VAX2: variants seen among roughly 807,000 people sequenced by gnomAD.
VAX2 encodes ventral anterior homeobox 2.
In VAX2, 8 loss-of-function variants were observed where a neutral mutation model predicts 12.5. The observed-to-expected ratio is 0.64, with a 90% CI of 0.37 to 1.15. VAX2 has a LOEUF of 1.15. VAX2 is among the 50% of genes most tolerant of loss of function. The probability of loss-of-function intolerance (pLI) is 0.01; values close to 1 mark genes in which losing one functional copy is unlikely to be tolerated. For synonymous variants in VAX2, 183 were observed against 187.6 expected (o/e 0.98, Z 0.20); for missense variants, 476 against 412.9 (o/e 1.15, Z -1.32).
chr2:70,908,644 CACATGTGTGAGTAT>C (rs1290317334), intron 1 of VAX2, among the ~76,000 whole-genome samples: 1 of 152,074 alleles, frequency 6.6e-6, no homozygotes, highest in African/African-American at 2.4e-5. Flanking sequence ...TAGTCATTTC[CACATGTGTGAGTAT>C]ATCTGTCAGA....
intron 1 of VAX2, among the ~76,000 whole-genome samples, chr2:70,915,668 G>T (rs574585484): frequency 1.8e-4 from 28 of 152,102 alleles, no homozygotes; most frequent in Non-Finnish European, 1.0e-4. Context: ...GAAATGTGTT[G>T]TTATTTATGG....
At chr2:70,911,409 G>A (rs1679181485) in intron 1 of VAX2, among the ~76,000 whole-genome samples, 1 of 152,094 alleles carries the variant, frequency 6.6e-6, no homozygotes, top group African/African-American at 2.4e-5. Flanking sequence ...GCTACAAACA[G>A]TGGGTCTGTA....
chr2:70,906,749 C>A (rs1259530697), intron 1 of VAX2, among the ~76,000 whole-genome samples: 1 of 152,116 alleles, frequency 6.6e-6, no homozygotes, highest in Non-Finnish European at 1.5e-5. Context: ...CCAGACTGAT[C>A]CTGGCTCAAG....
chr2:70,905,911 G>A (rs1553410537), intron 1 of VAX2, among the ~76,000 whole-genome samples: 3 of 152,306 alleles, frequency 2.0e-5, no homozygotes, highest in Non-Finnish European at 2.9e-5. Flanking sequence ...GTTGGCCTGG[G>A]TGCCATTTCC....
chr2:70,906,520 CTTTTTTT>C (rs869309305), intron 1 of VAX2, among the ~76,000 whole-genome samples: 30 of 60,596 alleles, frequency 5.0e-4, no homozygotes, highest in Admixed American at 1.5e-3. Context: ...TTTTCTTTTC[CTTTTTTT>C]TTTTTTTTTT....
intron 2 of VAX2, among the ~76,000 whole-genome samples, chr2:70,926,690 C>T (rs556940858): frequency 1.1e-4 from 16 of 152,230 alleles, no homozygotes; most frequent in African/African-American, 3.9e-4. Context: ...ATTTAATGCA[C>T]AGTGATGTCT....
intron 2 of VAX2, among the ~76,000 whole-genome samples, chr2:70,932,465 C>T (rs1238006040): frequency 6.6e-6 from 1 of 152,060 alleles, no homozygotes; most frequent in Non-Finnish European, 1.5e-5. Context: ...TCCCAAACTC[C>T]ATTCTCTGTC....
rs869309305 is a variant in VAX2, at chr2:70,906,520, C to CTTTTTTTTTT, written c.247+5669_247+5678dup. On this transcript the variant is annotated intron_variant, in intron 1 of 2. Coordinates refer to ENST00000234392, the MANE Select transcript of VAX2 (RefSeq NM_012476.3). ...CTTTCTTTTTTTTTCTTTTCTTTTC[C>CTTTTTTTTTT]TTTTTTTTTTTTTTTTTTTTTTTTT... 2.6e-3 allele frequency among the ~76,000 whole-genome samples: 157 copies of CTTTTTTTTTT among 60,594 alleles called. 29 individuals are homozygous for CTTTTTTTTTT. Among genetic ancestry groups the CTTTTTTTTTT allele is most frequent in the African/African-American group, 0.01 (126 of 12,246 alleles). 39.8% of individuals were successfully genotyped at this position (60,594 alleles called of 152,430 possible).
At chr2:70,920,051 C>CT (rs1435350536) in intron 1 of VAX2, among the ~76,000 whole-genome samples, 1 of 152,118 alleles carries the variant, frequency 6.6e-6, no homozygotes, top group East Asian at 1.9e-4. Context: ...TGGAGGGTTG[C>CT]TTGCTTTCTT....
chr2:70,919,688 C>CA (rs1679404384), intron 1 of VAX2, among the ~76,000 whole-genome samples: 1 of 151,724 alleles, frequency 6.6e-6, no homozygotes, highest in Non-Finnish European at 1.5e-5. Flanking sequence ...CCCGTCTCTA[C>CA]AAAAAATACA....
intron 2 of VAX2, among the ~76,000 whole-genome samples, chr2:70,929,020 C>A (rs1291035637): frequency 6.6e-6 from 1 of 152,200 alleles, no homozygotes; most frequent in East Asian, 1.9e-4. Flanking sequence ...GGTCAGGAAG[C>A]TTCCCAGCAG....
intron 1 of VAX2, among the ~76,000 whole-genome samples, chr2:70,912,870 C>T (rs1356018262): frequency 6.6e-6 from 1 of 151,998 alleles, no homozygotes; most frequent in Non-Finnish European, 1.5e-5. Flanking sequence ...CAGAATTCAC[C>T]CTCCCACATA....
intron 1 of VAX2, among the ~76,000 whole-genome samples, chr2:70,901,112 A>C (rs923511012): frequency 6.6e-6 from 1 of 152,254 alleles, no homozygotes; most frequent in Non-Finnish European, 1.5e-5. Context: ...CCAGTCCCCT[A>C]GTTCTAGGCC....
At chr2:70,930,524 G>C (rs201242436) in intron 2 of VAX2, among the ~76,000 whole-genome samples, 1 of 152,168 alleles carries the variant, frequency 6.6e-6, no homozygotes, top group Admixed American at 6.5e-5. Flanking sequence ...AGGATCAGAC[G>C]ACAGGGGGTG....
intron 2 of VAX2, among the ~76,000 whole-genome samples, chr2:70,931,489 G>A (rs372262540): frequency 5.2e-4 from 79 of 152,332 alleles, no homozygotes; most frequent in African/African-American, 1.8e-3. Context: ...CAAAGGCAGC[G>A]TGGCGGCCAG....
intron 1 of VAX2, among the ~76,000 whole-genome samples, chr2:70,909,852 C>T (rs2104763438): frequency 6.6e-6 from 1 of 152,208 alleles, no homozygotes; most frequent in East Asian, 1.9e-4. Context: ...ACAAACAATG[C>T]TGTAGTGAAC....
intron 1 of VAX2, among the ~76,000 whole-genome samples, chr2:70,914,276 T>C (rs1216084251): frequency 6.6e-6 from 1 of 152,120 alleles, no homozygotes; most frequent in African/African-American, 2.4e-5. Context: ...GGTGAAACCC[T>C]GTCTCTACTA....
intron 1 of VAX2, among the ~76,000 whole-genome samples, chr2:70,916,202 T>C (rs1558657327): frequency 6.6e-6 from 1 of 152,214 alleles, no homozygotes; most frequent in South Asian, 2.1e-4. Context: ...ACTTTTTATT[T>C]TGAAATAATT....
At position 70,900,837 on chromosome 2, in the gene VAX2, G is replaced by A; in HGVS notation, c.216G>A (p.Glu72=). 1 of 1,459,462 alleles carries A rather than the reference G, an allele frequency of 6.9e-7. No individual in the cohort carries two copies. Among genetic ancestry groups the A allele is most frequent in the Non-Finnish European group, 9.1e-7 (1 of 1,104,602 alleles). The allele number at this position is 1,459,462 out of a possible 1,614,324, so 90.4% of individuals were successfully genotyped here. The part of the protein sequence containing the change: ...ADSDGQPGPG[E]ADHCRRILVR... ...GCGACGGGCAGCCCGGGCCCGGCGA[G>A]GCAGACCACTGCCGCCGCATACTGG... Residue 72 remains glutamate (E), a synonymous_variant, in exon 1 of 3, where the codon GAG becomes GAA. Transcript: ENST00000234392.
Sources: gnomAD v4.1 joint callset for allele counts (sites outside exome capture counted in the v4.1 genomes callset) on GRCh38, gnomAD v4.1.1 for gene constraint, MANE v1.5 for transcripts, NCBI Gene and HGNC (gene_info 2026-07-23, HGNC 2026-07-21) for gene names.